The following TTN variants were observed in gnomAD, a reference collection of about 807,000 sequenced individuals.
The protein encoded by TTN is titin, also known as connectin.
A neutral mutation model predicts 3,223.0 loss-of-function variants in TTN; 1,525 were observed. That is an observed-to-expected ratio of 0.47 (90% CI 0.45 to 0.49). TTN has a LOEUF of 0.49. Ranked by LOEUF, TTN falls within the 20% of genes least tolerant of loss-of-function variation. TTN has a pLI of 0.00. For synonymous variants in TTN, 14,094 were observed against 15,161.0 expected, an observed-to-expected ratio of 0.93 and a Z score of 5.17; for missense variants, 40,786 against 43,424.0, an observed-to-expected ratio of 0.94 and a Z score of 5.40.
Position 178,594,504 on chromosome 2 carries a change from C to T in TTN, c.57990G>A (p.Lys19330=), listed in dbSNP as rs773467310. ...AGTTGTCATTTGTAACTTTGTGGAA[C>T]TTCTCAGTCCCAATGAGCCGACTTT... is the stretch of plus-strand genomic sequence containing the variant. ...VLESRLIGTE[K]FHKVTNDNLL... is the part of the protein sequence containing the mutation. Residue 19330 remains lysine (K), a synonymous_variant, in exon 296 of 363, where the codon AAG becomes AAA. Transcript: ENST00000589042. 2 of 1,613,294 alleles carry T rather than the reference C, an allele frequency of 1.2e-6. No individual in the cohort carries two copies. The highest frequency in any genetic ancestry group is 1.7e-6 in the Non-Finnish European group (2 of 1,179,574).
chr2:178,543,862 T>G lies in TTN; in HGVS notation c.96282A>C (p.Lys32094Asn). ...AGACTTTAACAAGGACTGTTGCTGA[T>G]TTCTTGCCAGATTGGTTTTCAGCTT... The part of the protein sequence containing the change: ...TIEAENQSGK[K>N]SATVLVKVYD... The change falls in exon 346 of 363, where the codon AAA (lysine) becomes AAC (asparagine). Residue 32094 changes from lysine to asparagine, a missense_variant. Physicochemically the swap from Lys to Asn is moderately conservative, Grantham distance 94. Coordinates refer to ENST00000589042, the MANE Select transcript of TTN (RefSeq NM_001267550.2). 6.2e-7 allele frequency: 1 copy of G among 1,613,774 alleles called. No individual in the cohort carries two copies. Among genetic ancestry groups the G allele is most frequent in the Non-Finnish European group, 8.5e-7 (1 of 1,179,728 alleles).
chr2:178,579,252 G>C lies in TTN; in HGVS notation c.67778C>G (p.Thr22593Ser). Residue 22593 changes from threonine (T) to serine (S), a missense_variant, in exon 320 of 363, where the codon ACT becomes AGT. Thr to Ser is a moderately conservative substitution (Grantham distance 58). Transcript: ENST00000589042. ...SWKKGEDPLA[T>S]DTRVSVESSA... Reference sequence around the variant, plus strand: ...TGACTCAACACTGACTCTAGTGTCAGTTGCTAGAGGATCTTCCCCTTTCTT... The same window carrying C: ...TGACTCAACACTGACTCTAGTGTCACTTGCTAGAGGATCTTCCCCTTTCTT... 1 of 1,613,402 alleles carries C rather than the reference G, an allele frequency of 6.2e-7. No homozygotes were observed. The highest frequency in any genetic ancestry group is 8.5e-7 in the Non-Finnish European group (1 of 1,179,530).
Position 178,757,838 on chromosome 2 carries a change from A to C in TTN, c.10382T>G (p.Leu3461Arg), listed in dbSNP as rs753854385. 14 of 1,596,176 alleles carry C rather than the reference A, an allele frequency of 8.8e-6. No individual in the cohort carries two copies. The highest frequency in any genetic ancestry group is 1.2e-5 in the Non-Finnish European group (14 of 1,171,026). ...CTGGATGAAGCTGGGCTTTTGGCCA[A>C]GGGGCTCCTTCTTAAATGAAACTGA... ...SLSVSFKKEP[L>R]GQKPSFIQPL... The change falls in exon 45 of 363, where the codon CTT becomes CGT. Residue 3461 changes from leucine to arginine, a missense_variant. By Grantham distance (102) the Leu-to-Arg change is moderately radical. Coordinates refer to ENST00000589042, the MANE Select transcript of TTN (RefSeq NM_001267550.2).
intron 223 of TTN, among the ~76,000 whole-genome samples, chr2:178,637,666 T>C (rs2060675848): frequency 6.6e-6 from 1 of 152,090 alleles, no homozygotes; most frequent in African/African-American, 2.4e-5. Flanking sequence ...CTTATTATCT[T>C]CCCATTTTTG....
Position 178,734,450 on chromosome 2 carries a change from G to C in TTN, c.15374C>G (p.Ser5125Cys). ...CTCCAGACACACAAGAGACTTCTGAGAAAACAATCTGTATTTTTTACTACT... is the reference window on the plus strand; with the variant it reads ...CTCCAGACACACAAGAGACTTCTGACAAAACAATCTGTATTTTTTACTACT... ...IRSSKKYRLF[S>C]QKSLVCLEIF... The change falls in exon 52 of 363, where the codon TCT becomes TGT. Residue 5125 changes from serine (S) to cysteine (C), a missense_variant. Physicochemically the swap from Ser to Cys is moderately radical, Grantham distance 112. Transcript: ENST00000589042. The C allele has an allele frequency of 6.2e-7, 1 of 1,613,708 alleles. No individual in the cohort carries two copies. Among genetic ancestry groups the C allele is most frequent in the Non-Finnish European group, 8.5e-7 (1 of 1,179,736 alleles).
Position 178,764,803 on chromosome 2 carries a change from G to A in TTN, c.9712C>T (p.Pro3238Ser). ...SVTLYVNAPE[P>S]PQVLQELQPV... ...TGGAGCTCCTGCAGAACTTGGGGCG[G>A]TTCAGGAGCTAGGAGTAAATGTTGA... is the stretch of plus-strand genomic sequence containing the variant. Residue 3238 changes from proline to serine, a missense_variant, in exon 42 of 363, where the codon CCG becomes TCG. Coordinates refer to ENST00000589042, the MANE Select transcript of TTN (RefSeq NM_001267550.2). 1 of 1,613,116 alleles carries A rather than the reference G, an allele frequency of 6.2e-7. No individual in the cohort carries two copies. Among genetic ancestry groups the A allele is most frequent in the Non-Finnish European group, 8.5e-7 (1 of 1,179,858 alleles).
intron 218 of TTN, 42 bp from the exon 219 acceptor site, chr2:178,642,359 A>C: frequency 6.6e-7 from 1 of 1,521,634 alleles, no homozygotes; most frequent in Non-Finnish European, 8.9e-7. Context: ...GAATTTATAT[A>C]AAAACGGAAT....
In TTN at chr2:178,620,466, T is replaced by C. The variant is rs769556979; in HGVS notation, c.46055A>G (p.Asp15352Gly). 5 of 1,612,406 alleles carry C rather than the reference T, an allele frequency of 3.1e-6. No homozygotes were observed. Among genetic ancestry groups the C allele is most frequent in the Non-Finnish European group, 4.2e-6 (5 of 1,178,956 alleles). ...PFDNRVSYRV[D>G]KYKHMLTIKD... Reference sequence around the variant, plus strand: ...AATGGTTAACATGTGCTTGTACTTATCAACTCTGTATGAGACACGGTTGTC... The same window carrying C: ...AATGGTTAACATGTGCTTGTACTTACCAACTCTGTATGAGACACGGTTGTC... Residue 15352 changes from aspartate (D) to glycine (G), a missense_variant, in exon 248 of 363, where the codon GAT (aspartate) becomes GGT (glycine). Asp to Gly is a moderately conservative substitution (Grantham distance 94, BLOSUM62 -1). Coordinates refer to ENST00000589042, the MANE Select transcript of TTN (RefSeq NM_001267550.2).
At position 178,570,584 on chromosome 2, in the gene TTN, A is replaced by T; in HGVS notation, c.75548T>A (p.Ile25183Lys). 9.3e-6 allele frequency: 15 copies of T among 1,613,422 alleles called. No homozygotes were observed. The highest frequency in any genetic ancestry group is 1.1e-5 in the Non-Finnish European group (13 of 1,179,622). Reference sequence around the variant, plus strand: ...TCCTGCAACATTTTTGGCCTTCAGTATGTAATTTCCACTGTCGACACGTAC... The same window carrying T: ...TCCTGCAACATTTTTGGCCTTCAGTTTGTAATTTCCACTGTCGACACGTAC... ...DAVRVDSGNY[I>K]LKAKNVAGER... is the part of the protein sequence containing the mutation. Residue 25183 changes from isoleucine to lysine, a missense_variant, in exon 326 of 363, where the codon ATA becomes AAA. Ile to Lys is a moderately radical substitution (Grantham distance 102). Coordinates refer to ENST00000589042, the MANE Select transcript of TTN (RefSeq NM_001267550.2).
chr2:178,796,925 C>T (rs1342038005), intron 6 of TTN, among the ~76,000 whole-genome samples: 3 of 152,098 alleles, frequency 2.0e-5, no homozygotes, highest in Non-Finnish European at 4.4e-5. Flanking sequence ...TACTCTACAA[C>T]AAAAATCAAG....
At chr2:178,529,481 C>T (rs1271141622) in intron 359 of TTN, 6 of 342,382 alleles carry the variant, frequency 1.8e-5, no homozygotes, top group Non-Finnish European at 3.1e-5. Flanking sequence ...AAAGAATAGT[C>T]AACGGATTTA....
chr2:178,688,333 A>G, intron 126 of TTN, 109 bp from the exon 127 acceptor site: 1 of 981,554 alleles, frequency 1.0e-6, no homozygotes. Context: ...CTTAGGACAT[A>G]GCTTCATGGT....
chr2:178,732,093 G>C lies in TTN; in HGVS notation c.16876C>G (p.His5626Asp), dbSNP rs1226327061. 5 of 1,611,728 alleles carry C rather than the reference G, an allele frequency of 3.1e-6. No homozygotes were observed. Among genetic ancestry groups the C allele is most frequent in the Non-Finnish European group, 4.2e-6 (5 of 1,178,386 alleles). ...TTGACTATTACAATGCTACTGCAGTGGTCACTGCCAGCCTCATTTTGGGCC... is the reference window on the plus strand; with the variant it reads ...TTGACTATTACAATGCTACTGCAGTCGTCACTGCCAGCCTCATTTTGGGCC... ...CEAQNEAGSD[H>D]CSSIVIVKES... is the part of the protein sequence containing the mutation. Residue 5626 changes from histidine (H) to aspartate (D), a missense_variant, in exon 57 of 363, where the codon CAC becomes GAC. By Grantham distance (81) the His-to-Asp change is moderately conservative. Coordinates refer to ENST00000589042, the MANE Select transcript of TTN (RefSeq NM_001267550.2).
chr2:178,595,916 G>T, intron 294 of TTN, 107 bp from the exon 295 acceptor site: 2 of 1,132,378 alleles, frequency 1.8e-6, no homozygotes, highest in Non-Finnish European at 2.5e-6. Flanking sequence ...AAGAAAGTAA[G>T]GTTTTGTGTC....
intron 134 of TTN, 120 bp from the exon 135 acceptor site, chr2:178,683,023 AC>A (rs1489805745): frequency 7.3e-6 from 8 of 1,093,362 alleles, no homozygotes; most frequent in African/African-American, 1.6e-5. Flanking sequence ...ATTATGGGAG[AC>A]CCTGACTGTT....
Position 178,693,692 on chromosome 2 carries a change from T to TA in TTN, c.31514-4dup, listed in dbSNP as rs776720259. ...AATTTCCTTTTGTACCTCGGGGACT[T>TA]AAAAAAATGTACATTTTAATTACTG... is the stretch of plus-strand genomic sequence containing the variant. On this transcript the variant is annotated splice_polypyrimidine_tract_variant and splice_region_variant and intron_variant, in intron 118 of 362. Coordinates refer to ENST00000589042, the MANE Select transcript of TTN (RefSeq NM_001267550.2). 1 of 1,587,300 alleles carries TA rather than the reference T, an allele frequency of 6.3e-7. No individual in the cohort carries two copies. The highest frequency in any genetic ancestry group is 8.6e-7 in the Non-Finnish European group (1 of 1,162,952).
chr2:178,619,535 A>T, intron 250 of TTN, 86 bp downstream of exon 250: 1 of 1,527,176 alleles, frequency 6.5e-7, no homozygotes, highest in Non-Finnish European at 8.8e-7. Context: ...AAAGACCCTC[A>T]CAAGGATTAC....
At chr2:178,667,028 T>A in intron 162 of TTN, 127 bp from the exon 163 acceptor site, 1 of 943,792 alleles carries the variant, frequency 1.1e-6, no homozygotes, top group African/African-American at 1.7e-5. Flanking sequence ...ATTTTTGTTC[T>A]AATATTTTAT....
chr2:178,564,277 G>A lies in TTN; in HGVS notation c.81855C>T (p.Ile27285=), dbSNP rs56214710. Residue 27285 remains isoleucine (I), a synonymous_variant, in exon 326 of 363, where the codon ATC becomes ATT. Transcript: ENST00000589042. ...CAAAAGTCTCTCCTGCATGAACAAC[G>A]ATGACATCTTTATATTTTGGATCCA... The part of the protein sequence containing the change: ...ASLDPKYKDV[I]VVHAGETFVL... 36,668 of 1,613,266 alleles carry A rather than the reference G, an allele frequency of 0.023. 520 individuals are homozygous for A. Among genetic ancestry groups the A allele is most frequent in the East Asian group, 0.062 (2,763 of 44,846 alleles).
Sources: gnomAD v4.1 joint callset for allele counts (sites outside exome capture counted in the v4.1 genomes callset) on GRCh38, gnomAD v4.1.1 for gene constraint, MANE v1.5 for transcripts, NCBI Gene and HGNC (gene_info 2026-07-23, HGNC 2026-07-21) for gene names.